Variants in KCNN2 observed in about 807,000 individuals in gnomAD.
KCNN2 encodes the protein small conductance calcium-activated potassium channel protein 2.
KCNN2 carries 24 observed loss-of-function variants against 55.5 expected under a neutral mutation model. The observed-to-expected ratio is 0.43, with a 90% confidence interval of 0.31 to 0.61. The LOEUF is 0.61. Ranked by LOEUF, KCNN2 falls within the 20% of genes least tolerant of loss-of-function variation. The pLI, the probability that KCNN2 is intolerant of heterozygous loss-of-function variation, is 0.08. For synonymous variants in KCNN2, 431 were observed against 336.1 expected (o/e 1.28, Z -3.09); for missense variants, 754 against 853.6 (o/e 0.88, Z 1.45).
At chr5:114,303,728 CAG>C (rs1756213628) in intron 2 of KCNN2, among the ~76,000 whole-genome samples, 1 of 151,846 alleles carries the variant, frequency 6.6e-6, no homozygotes. Flanking sequence ...TAGAATAAAA[CAG>C]ATTTGAGAGA....
At chr5:114,393,530 A>G (rs1233244157) in intron 2 of KCNN2, among the ~76,000 whole-genome samples, 1 of 152,056 alleles carries the variant, frequency 6.6e-6, no homozygotes, top group Non-Finnish European at 1.5e-5. Context: ...TAACCATAAA[A>G]ACTGCTTTTA....
chr5:114,271,125 T>C (rs1264938303), intron 2 of KCNN2, among the ~76,000 whole-genome samples: 1 of 152,174 alleles, frequency 6.6e-6, no homozygotes. Context: ...CCTGCCCATA[T>C]CCTGCTGATT....
intron 2 of KCNN2, among the ~76,000 whole-genome samples, chr5:114,255,851 T>C (rs1470480454): frequency 6.6e-6 from 1 of 152,144 alleles, no homozygotes; most frequent in Non-Finnish European, 1.5e-5. Context: ...GTTCAAAGTT[T>C]TTTATTATTT....
At chr5:114,074,293 C>CATGTGTGTGTGTGT (rs1371308634) in intron 1 of KCNN2, among the ~76,000 whole-genome samples, 6 of 144,508 alleles carry the variant, frequency 4.2e-5, no homozygotes, top group African/African-American at 1.6e-4. Context: ...GCCATGTTTG[C>CATGTGTGTGTGTGT]GTGTGTGTGT....
intron 2 of KCNN2, among the ~76,000 whole-genome samples, chr5:114,291,826 A>G (rs539286780): frequency 2.6e-5 from 4 of 152,208 alleles, no homozygotes; most frequent in Non-Finnish European, 5.9e-5. Flanking sequence ...AAGTGTTCCT[A>G]TTTCTCCACA....
At chr5:114,103,783 T>C (rs1352680518) in intron 1 of KCNN2, among the ~76,000 whole-genome samples, 3 of 152,202 alleles carry the variant, frequency 2.0e-5, no homozygotes, top group African/African-American at 7.2e-5. Context: ...GCTGACTTGA[T>C]GCTGGTGGAA....
intron 2 of KCNN2, among the ~76,000 whole-genome samples, chr5:114,339,982 AT>A (rs1756988081): frequency 6.6e-6 from 1 of 152,206 alleles, no homozygotes; most frequent in Non-Finnish European, 1.5e-5. Flanking sequence ...CCTGCCACAT[AT>A]AGCAGAACTT....
chr5:114,059,530 G>C (rs932508121), intron 1 of KCNN2, among the ~76,000 whole-genome samples: 1 of 152,200 alleles, frequency 6.6e-6, no homozygotes, highest in South Asian at 2.1e-4. Context: ...CAAAGTATAA[G>C]GAATAATAGG....
chr5:114,076,725 G>A (rs575259173), intron 1 of KCNN2, among the ~76,000 whole-genome samples: 10 of 152,184 alleles, frequency 6.6e-5, no homozygotes, highest in South Asian at 4.2e-4. Context: ...ATGGAGGCTC[G>A]CTGTGTCACC....
chr5:114,264,545 C>T (rs1755170758), intron 2 of KCNN2, among the ~76,000 whole-genome samples: 1 of 152,116 alleles, frequency 6.6e-6, no homozygotes. Context: ...AGAGGAAGCC[C>T]CTCTCATGGT....
At chr5:114,160,148 T>G (rs1394338350) in intron 1 of KCNN2, among the ~76,000 whole-genome samples, 1 of 152,328 alleles carries the variant, frequency 6.6e-6, no homozygotes, top group South Asian at 2.1e-4. Flanking sequence ...TTTAGTGCTA[T>G]AAATTTCCCT....
intron 3 of KCNN2, among the ~76,000 whole-genome samples, chr5:114,418,477 A>G (rs1251323834): frequency 1.3e-5 from 2 of 151,958 alleles, no homozygotes; most frequent in South Asian, 2.1e-4. Flanking sequence ...GACTTCAGAC[A>G]GAGTTTTCTT....
In KCNN2 at chr5:114,362,517, T is replaced by C; in HGVS notation, c.378T>C (p.Asn126=). 3.9e-6 allele frequency: 2 copies of C among 511,206 alleles called. No individual in the cohort carries two copies. The highest frequency in any genetic ancestry group is 6.7e-6 in the Non-Finnish European group (2 of 296,660). 31.7% of individuals were successfully genotyped at this position (511,206 alleles called of 1,614,324 possible). ...CGTCGCGCCGGGGCAGCCAGCTCAATGTGAGCGAGCTGACGCCGTCCAGCC... is the reference window on the plus strand; with the variant it reads ...CGTCGCGCCGGGGCAGCCAGCTCAACGTGAGCGAGCTGACGCCGTCCAGCC... ...CCSSRRGSQL[N]VSELTPSSHA... is the part of the protein sequence containing the mutation. The change falls in exon 1 of 8, where the codon AAT becomes AAC. Residue 126 remains asparagine, a synonymous_variant. Coordinates refer to ENST00000673685, the MANE Select transcript of KCNN2 (RefSeq NM_021614.4).
Position 114,377,922 on chromosome 5 carries a change from C to G in KCNN2, c.1218+13921C>G, listed in dbSNP as rs543460737. On this transcript the variant is annotated intron_variant, in intron 2 of 7. Transcript: ENST00000673685. ...TATTATTATTATTCTGTCATTGTTA[C>G]TACTCTTCTGTCATTATTATTAAGT... Among the ~76,000 whole-genome samples, 39 of 152,250 alleles carry G rather than the reference C, an allele frequency of 2.6e-4. No individual in the cohort carries two copies. The South Asian group carries it at 4.8e-3, about 19-fold the overall frequency.
At position 114,473,080 on chromosome 5, in the gene KCNN2, A is replaced by G. The variant is rs1761822875; in HGVS notation, c.1806A>G (p.Val602=). 1.9e-6 allele frequency: 3 copies of G among 1,611,646 alleles called. No homozygotes were observed. The highest frequency in any genetic ancestry group is 2.5e-6 in the Non-Finnish European group (3 of 1,178,704). ...GTGCTGGTTGCACAGCCCTGGTGGT[A>G]GCTGTAGTGGCAAGGAAGCTAGAAC... ...IMGAGCTALV[V]AVVARKLELT... Residue 602 remains valine, a synonymous_variant, in exon 5 of 8, where the codon GTA becomes GTG. Coordinates refer to ENST00000673685, the MANE Select transcript of KCNN2 (RefSeq NM_021614.4).
intron 1 of KCNN2, among the ~76,000 whole-genome samples, chr5:114,200,234 C>G (rs72797674): frequency 0.095 from 14,420 of 151,896 alleles, 836 homozygotes; most frequent in Non-Finnish European, 0.13. Context: ...TGGATTGTGT[C>G]AAAAGACCTG....
intron 7 of KCNN2, among the ~76,000 whole-genome samples, chr5:114,494,435 C>T (rs558711512): frequency 6.7e-6 from 1 of 150,002 alleles, no homozygotes; most frequent in South Asian, 2.1e-4. Context: ...ATGACTTACC[C>T]TAGGAGAGCA....
rs190038489 is a variant in KCNN2, at chr5:114,349,570, T to A, written c.-184-11375T>A. On this transcript the variant is annotated intron_variant, in intron 2 of 10. Transcript: ENST00000512097. The stretch of plus-strand genomic sequence containing the variant: ...GAAAATATTCCAAAATTCAAAAAAA[T>A]AAAAAATCAGAAACACTCTGATCCC... Among the ~76,000 whole-genome samples, 132 of 152,116 alleles carry A rather than the reference T, an allele frequency of 8.7e-4. 1 individual carries two copies. The highest frequency in any genetic ancestry group is 1.7e-3 in the Non-Finnish European group (113 of 67,920).
chr5:114,129,929 A>C (rs773714923), intron 1 of KCNN2, among the ~76,000 whole-genome samples: 3 of 152,180 alleles, frequency 2.0e-5, no homozygotes, highest in East Asian at 3.9e-4. Flanking sequence ...AAATTCTTCC[A>C]TAGGGTTATT....
Sources: gnomAD v4.1 joint callset for allele counts (sites outside exome capture counted in the v4.1 genomes callset) on GRCh38, gnomAD v4.1.1 for gene constraint, MANE v1.5 for transcripts, NCBI Gene and HGNC (gene_info 2026-07-23, HGNC 2026-07-21) for gene names.